Variants in WSCD1 observed in about 807,000 individuals in gnomAD.
WSCD1 encodes the protein sialate:O-sulfotransferase 1.
A neutral mutation model predicts 60.4 loss-of-function variants in WSCD1; 41 were observed. The ratio of observed to expected loss-of-function variants is 0.68; its 90% CI spans 0.53 to 0.88. The LOEUF (loss-of-function observed/expected upper bound fraction) is 0.88. Among genes scored for constraint, WSCD1 ranks in the 40% least tolerant of loss-of-function variants. The probability of loss-of-function intolerance (pLI) is 0.00; values close to 1 mark genes in which losing one functional copy is unlikely to be tolerated. For synonymous variants in WSCD1, 361 were observed against 332.5 expected, an observed-to-expected ratio of 1.09 and a Z score of -0.93; for missense variants, 784 against 796.2, an observed-to-expected ratio of 0.98 and a Z score of 0.18.
In WSCD1 at chr17:6,101,731, A is replaced by C. The variant is rs10852875; in HGVS notation, c.849+6508A>C. On this transcript the variant is annotated intron_variant, in intron 5 of 8. Transcript: ENST00000317744. The surrounding 1 kb of genome is among the most constrained non-coding windows in gnomAD (Gnocchi z 4.1). ...TATGGAGATGGAAAGAGACCTGCTC[A>C]TTCTCAGTCCCCTTCAGGATCCTAT... 6.6e-6 allele frequency among the ~76,000 whole-genome samples: 1 copy of C among 152,110 alleles called. No individual in the cohort carries two copies. Among genetic ancestry groups the C allele is most frequent in the Non-Finnish European group, 1.5e-5 (1 of 68,040 alleles).
At position 6,124,316 on chromosome 17, in the gene WSCD1, G is replaced by A. The variant is rs887187701; in HGVS notation, c.*3655G>A. 2.0e-5 allele frequency: 3 copies of A among 152,240 alleles called. No homozygotes were observed. Among genetic ancestry groups the A allele is most frequent in the Non-Finnish European group, 2.9e-5 (2 of 68,048 alleles). The allele number at this position is 152,240 out of a possible 1,614,324, so 9.4% of individuals were successfully genotyped here. On this transcript the variant is annotated 3_prime_UTR_variant, in exon 9 of 9. Transcript: ENST00000317744. ...AAGGGAGAGTTGAGAGGCAGAAAGAGATCAAGTCCTTGGTGAAATTGTTTA... is the reference window on the plus strand; with the variant it reads ...AAGGGAGAGTTGAGAGGCAGAAAGAAATCAAGTCCTTGGTGAAATTGTTTA...
At position 6,121,072 on chromosome 17, in the gene WSCD1, G is replaced by A. The variant is rs1904668158; in HGVS notation, c.*411G>A. 3 of 196,856 alleles carry A rather than the reference G, an allele frequency of 1.5e-5. No individual in the cohort carries two copies. The highest frequency in any genetic ancestry group is 2.3e-4 in the South Asian group (2 of 8,742). The allele number at this position is 196,856 out of a possible 1,614,324, so 12.2% of individuals were successfully genotyped here. A position where few individuals can be genotyped will look rare whatever the true frequency, so the allele number is the denominator to read the frequency against. On this transcript the variant is annotated 3_prime_UTR_variant, in exon 9 of 9. Transcript: ENST00000317744. ...ACACAGATACACGTGCGCTCCCTGG[G>A]ATCCGGGAGGCCCTGGGCTTCCTGT...
chr17:6,117,998 C>T lies in WSCD1; in HGVS notation c.1185C>T (p.Gly395=), dbSNP rs376144707. Residue 395 remains glycine, a synonymous_variant, in exon 8 of 9, where the codon GGC becomes GGT. Transcript: ENST00000317744. ...DGTLYNKGFK[G]EKDHWRSRRT... The stretch of plus-strand genomic sequence containing the variant: ...CATTTTTCCCTGCAGGGTTCAAGGG[C>T]GAAAAGGACCACTGGCGGAGCCGAC... The T allele has an allele frequency of 9.3e-6, 15 of 1,613,520 alleles. No individual in the cohort carries two copies. The highest frequency in any genetic ancestry group is 2.2e-5 in the East Asian group (1 of 44,872).
chr17:6,108,931 T>C (rs2093169216), intron 5 of WSCD1, among the ~76,000 whole-genome samples: 2 of 152,290 alleles, frequency 1.3e-5, no homozygotes, highest in South Asian at 4.1e-4. Context: ...GCATCTTGGG[T>C]GGGAACAAAG....
intron 7 of WSCD1, among the ~76,000 whole-genome samples, chr17:6,113,596 C>A (rs1380024023): frequency 1.3e-5 from 2 of 152,160 alleles, no homozygotes; most frequent in African/African-American, 4.8e-5. Context: ...GCAAACTATT[C>A]ATCCAACAAG....
chr17:6,113,310 G>C (rs1911510121), intron 7 of WSCD1, among the ~76,000 whole-genome samples: 1 of 152,126 alleles, frequency 6.6e-6, no homozygotes, highest in Non-Finnish European at 1.5e-5. Flanking sequence ...GAAGACTGAA[G>C]ATATACCCCT....
At chr17:6,102,803 A>G (rs1910879101) in intron 5 of WSCD1, among the ~76,000 whole-genome samples, 1 of 152,080 alleles carries the variant, frequency 6.6e-6, no homozygotes, top group African/African-American at 2.4e-5. Context: ...CCTGAGGGAC[A>G]TTTAGGCCAT....
intron 1 of WSCD1, among the ~76,000 whole-genome samples, chr17:6,079,019 A>G (rs1219168919): frequency 6.6e-6 from 1 of 152,130 alleles, no homozygotes; most frequent in East Asian, 1.9e-4. Context: ...TGAGTCTGCT[A>G]CCTCCGCCCC....
At chr17:6,116,547 G>A (rs993941322) in intron 7 of WSCD1, among the ~76,000 whole-genome samples, 6 of 152,166 alleles carry the variant, frequency 3.9e-5, no homozygotes, top group African/African-American at 7.2e-5. Context: ...AAGGCACCCC[G>A]GGTCTCAGGG....
chr17:6,087,039 G>A (rs1018341528), intron 2 of WSCD1, among the ~76,000 whole-genome samples: 22 of 152,190 alleles, frequency 1.4e-4, no homozygotes, highest in Non-Finnish European at 1.5e-4. Context: ...TTTATCACAG[G>A]TGCCCGATCC....
intron 5 of WSCD1, among the ~76,000 whole-genome samples, chr17:6,105,883 G>A (rs573305612): frequency 6.6e-6 from 1 of 152,356 alleles, no homozygotes; most frequent in Admixed American, 6.5e-5. Flanking sequence ...ATATGGGGAA[G>A]ATTTGCTTAG....
chr17:6,083,445 G>A (rs118091466), intron 2 of WSCD1, among the ~76,000 whole-genome samples: 3,314 of 152,324 alleles, frequency 0.022, 51 homozygotes, highest in Middle Eastern at 0.099. Context: ...CTAGAGGCAC[G>A]TGCGAAGTGG....
At chr17:6,108,898 T>C (rs1313661077) in intron 5 of WSCD1, among the ~76,000 whole-genome samples, 1 of 152,174 alleles carries the variant, frequency 6.6e-6, no homozygotes, top group Non-Finnish European at 1.5e-5. Flanking sequence ...CCCCTCCATT[T>C]TGAAGAATCC....
At chr17:6,088,453 T>C (rs866687745) in intron 3 of WSCD1, among the ~76,000 whole-genome samples, 26 of 152,310 alleles carry the variant, frequency 1.7e-4, no homozygotes, top group Admixed American at 1.3e-3. Context: ...ATGAGTTCTT[T>C]TCCTTCTCTG....
chr17:6,120,940 C>T lies in WSCD1; in HGVS notation c.*279C>T. ...CCCCGTCTTGATGCAGAGAAGCCAC[C>T]CACGTGGGGTGTGCCAGGCACCCCC... On this transcript the variant is annotated 3_prime_UTR_variant, in exon 9 of 9. Coordinates refer to ENST00000317744, the MANE Select transcript of WSCD1 (RefSeq NM_015253.2). The T allele has an allele frequency of 2.1e-6, 1 of 479,298 alleles. No homozygotes were observed. Among genetic ancestry groups the T allele is most frequent in the South Asian group, 2.8e-5 (1 of 35,236 alleles). The allele number at this position is 479,298 out of a possible 1,614,324, so 29.7% of individuals were successfully genotyped here. A position where few individuals can be genotyped will look rare whatever the true frequency, so the allele number is the denominator to read the frequency against.
At chr17:6,107,484 G>C (rs1004645789) in intron 5 of WSCD1, among the ~76,000 whole-genome samples, 1 of 151,962 alleles carries the variant, frequency 6.6e-6, no homozygotes, top group Non-Finnish European at 1.5e-5. Flanking sequence ...CTGTGCAACA[G>C]AGTGAGACTC....
chr17:6,077,733 T>C (rs7405462), intron 1 of WSCD1, among the ~76,000 whole-genome samples: 148,484 of 152,284 alleles, frequency 0.98, 72,493 homozygotes, highest in East Asian at 1. Context: ...ACCAGTATAC[T>C]CTGCCTTCAA....
In WSCD1 at chr17:6,080,900, T is replaced by C. The variant is rs746835111; in HGVS notation, c.242T>C (p.Leu81Pro). 6 of 1,598,776 alleles carry C rather than the reference T, an allele frequency of 3.8e-6. No homozygotes were observed. In the South Asian group the frequency reaches 6.7e-5, roughly 18 times the overall value. ...CACGACCCTCGAGTCAGCCCAGAGC[T>C]GCTGCTGGGTGTGGACATGCTGCAG... ...ALHDPRVSPE[L>P]LLGVDMLQSP... Residue 81 changes from leucine (L) to proline (P), a missense_variant, in exon 2 of 9, where the codon CTG becomes CCG. Transcript: ENST00000317744. This position sits in a 1 kb window ranked among gnomAD's most constrained non-coding sequence, Gnocchi z 6.6.
chr17:6,101,791 C>A lies in WSCD1; in HGVS notation c.849+6568C>A, dbSNP rs1003784345. Among the ~76,000 whole-genome samples the A allele has an allele frequency of 7.2e-5, 11 of 152,128 alleles. No homozygotes were observed. Among genetic ancestry groups the A allele is most frequent in the Admixed American group, 3.3e-4 (5 of 15,282 alleles). On this transcript the variant is annotated intron_variant, in intron 5 of 8. Coordinates refer to ENST00000317744, the MANE Select transcript of WSCD1 (RefSeq NM_015253.2). The surrounding 1 kb of genome is among the most constrained non-coding windows in gnomAD (Gnocchi z 4.1). ...TGTTTCAACGCAAGGCAAGAGTGAG[C>A]AGGGGGCAGCTTCGATATTTGCATT... is the stretch of plus-strand genomic sequence containing the variant.
Sources: gnomAD v4.1 joint callset for allele counts (sites outside exome capture counted in the v4.1 genomes callset) on GRCh38, gnomAD v4.1.1 for gene constraint, Gnocchi (gnomAD v3.1) non-coding constraint, MANE v1.5 for transcripts, NCBI Gene and HGNC (gene_info 2026-07-23, HGNC 2026-07-21) for gene names.